Variants in TMEM132C observed in about 807,000 individuals in gnomAD.
The protein encoded by TMEM132C is transmembrane protein 132C.
In TMEM132C, 29 loss-of-function variants were observed where a neutral mutation model predicts 61.4. That is an observed-to-expected ratio of 0.47 (90% CI 0.35 to 0.64). TMEM132C has a LOEUF of 0.64. Ranked by LOEUF, TMEM132C falls within the 30% of genes least tolerant of loss-of-function variation. The probability of loss-of-function intolerance (pLI) is 0.00; values close to 1 mark genes in which losing one functional copy is unlikely to be tolerated. For missense variants in TMEM132C, 1,408 were observed against 1,476.9 expected (o/e 0.95, Z 0.76); for synonymous variants, 656 against 633.1 (o/e 1.04, Z -0.54).
intron 2 of TMEM132C, among the ~76,000 whole-genome samples, chr12:128,523,443 G>A (rs1872975335): frequency 6.6e-6 from 1 of 152,136 alleles, no homozygotes; most frequent in Non-Finnish European, 1.5e-5. Context: ...TTACCACTTT[G>A]TTTTTTAAAA....
chr12:128,666,962 C>G (rs1215063948), intron 4 of TMEM132C, among the ~76,000 whole-genome samples: 1 of 152,116 alleles, frequency 6.6e-6, no homozygotes, highest in South Asian at 2.1e-4. Flanking sequence ...CCCCGCTACT[C>G]GGGAGGCTGA....
At chr12:128,587,475 C>G (rs1875591862) in intron 3 of TMEM132C, among the ~76,000 whole-genome samples, 1 of 152,210 alleles carries the variant, frequency 6.6e-6, no homozygotes, top group African/African-American at 2.4e-5. Flanking sequence ...ACCTCACCTC[C>G]TCACACAATC....
intron 1 of TMEM132C, among the ~76,000 whole-genome samples, chr12:128,340,909 TCTCTC>T (rs1565906158): frequency 1.9e-5 from 2 of 105,280 alleles, no homozygotes; most frequent in African/African-American, 1.0e-4. Flanking sequence ...TCTCTTTCTC[TCTCTC>T]TTTCTCTCTC....
intron 4 of TMEM132C, among the ~76,000 whole-genome samples, chr12:128,665,562 C>A (rs1405992139): frequency 1.3e-5 from 2 of 151,434 alleles, no homozygotes; most frequent in Admixed American, 6.6e-5. Context: ...CAGGCGCACA[C>A]ACACACACAG....
chr12:128,306,359 G>A (rs555244457), intron 1 of TMEM132C, among the ~76,000 whole-genome samples: 2 of 152,060 alleles, frequency 1.3e-5, no homozygotes, highest in South Asian at 2.1e-4. Flanking sequence ...CCGCCACCAC[G>A]CCTGGCTAAT....
intron 3 of TMEM132C, among the ~76,000 whole-genome samples, chr12:128,551,087 C>T (rs370124852): frequency 2.0e-5 from 3 of 152,168 alleles, no homozygotes; most frequent in African/African-American, 7.2e-5. Flanking sequence ...TTCTCCCTTT[C>T]CAGTTTCTCC....
chr12:128,584,799 CG>C (rs544240757), intron 3 of TMEM132C, among the ~76,000 whole-genome samples: 2 of 152,106 alleles, frequency 1.3e-5, no homozygotes, highest in African/African-American at 4.8e-5. Flanking sequence ...GGGCGAGGGC[CG>C]GGGGGTCTTT....
At chr12:128,571,759 T>C (rs1031949783) in intron 3 of TMEM132C, among the ~76,000 whole-genome samples, 6 of 152,232 alleles carry the variant, frequency 3.9e-5, no homozygotes, top group African/African-American at 1.2e-4. Flanking sequence ...TTAGGCACGG[T>C]TGGATGCAGG....
Position 128,267,429 on chromosome 12 carries a change from G to T in TMEM132C, c.27G>T (p.Gly9=). The part of the protein sequence containing the change: MRSEGAAP[G]PAAPLCGALS... ...TGCGCTCCGAGGGTGCGGCCCCCGG[G>T]CCGGCGGCGCCGCTGTGCGGGGCGC... is the stretch of plus-strand genomic sequence containing the variant. The change falls in exon 1 of 9, where the codon GGG becomes GGT. Residue 9 remains glycine, a synonymous_variant. Coordinates refer to ENST00000435159, the MANE Select transcript of TMEM132C (RefSeq NM_001136103.3). 3 of 1,243,300 alleles carry T rather than the reference G, an allele frequency of 2.4e-6. No individual in the cohort carries two copies. Among genetic ancestry groups the T allele is most frequent in the Non-Finnish European group, 3.0e-6 (3 of 994,608 alleles). The allele number at this position is 1,243,300 out of a possible 1,614,324, so 77.0% of individuals were successfully genotyped here. A position where few individuals can be genotyped will look rare whatever the true frequency, so the allele number is the denominator to read the frequency against.
chr12:128,627,305 G>A (rs886157223), intron 4 of TMEM132C, among the ~76,000 whole-genome samples: 1 of 152,108 alleles, frequency 6.6e-6, no homozygotes, highest in African/African-American at 2.4e-5. Flanking sequence ...CTGAAATCTG[G>A]AATGTTGGCT....
At chr12:128,531,259 T>C (rs575556807) in intron 2 of TMEM132C, among the ~76,000 whole-genome samples, 1 of 140,438 alleles carries the variant, frequency 7.1e-6, no homozygotes, top group South Asian at 2.2e-4. Flanking sequence ...GAGTCACTGA[T>C]AGGGAAGTTT....
chr12:128,551,378 T>G (rs1874170196), intron 3 of TMEM132C, among the ~76,000 whole-genome samples: 1 of 152,056 alleles, frequency 6.6e-6, no homozygotes, highest in Non-Finnish European at 1.5e-5. Context: ...CATCTGTCTA[T>G]AAACACTCAG....
chr12:128,372,439 A>G (rs1874054610), intron 1 of TMEM132C, among the ~76,000 whole-genome samples: 1 of 152,236 alleles, frequency 6.6e-6, no homozygotes, highest in Admixed American at 6.5e-5. Context: ...AGTGACTGAA[A>G]GCACAAGATG....
chr12:128,308,939 T>G (rs1358738343), intron 1 of TMEM132C, among the ~76,000 whole-genome samples: 2 of 152,106 alleles, frequency 1.3e-5, no homozygotes, highest in African/African-American at 4.8e-5. Flanking sequence ...ATGGAAAGCG[T>G]TTTCTTCCAG....
intron 3 of TMEM132C, among the ~76,000 whole-genome samples, chr12:128,580,295 C>G (rs1047499987): frequency 6.6e-6 from 1 of 151,974 alleles, no homozygotes; most frequent in Non-Finnish European, 1.5e-5. Flanking sequence ...GTGGCGGGCG[C>G]CTGTAGTCCC....
chr12:128,293,540 A>G (rs1480299009), intron 1 of TMEM132C, among the ~76,000 whole-genome samples: 1 of 152,118 alleles, frequency 6.6e-6, no homozygotes, highest in African/African-American at 2.4e-5. Context: ...TTTCTTCTTC[A>G]ATCAGGATTT....
chr12:128,485,497 G>A (rs1046557113), intron 2 of TMEM132C, among the ~76,000 whole-genome samples: 2 of 152,120 alleles, frequency 1.3e-5, no homozygotes, highest in Non-Finnish European at 1.5e-5. Flanking sequence ...CTCTTAAGTG[G>A]TTCTTAATTT....
At chr12:128,494,182 G>A (rs1418507452) in intron 2 of TMEM132C, among the ~76,000 whole-genome samples, 4 of 152,206 alleles carry the variant, frequency 2.6e-5, no homozygotes, top group African/African-American at 9.7e-5. Context: ...AACCAGCCAT[G>A]CATCCCAGGG....
intron 2 of TMEM132C, among the ~76,000 whole-genome samples, chr12:128,419,073 T>C (rs138181822): frequency 2.0e-5 from 3 of 152,280 alleles, no homozygotes; most frequent in South Asian, 2.1e-4. Context: ...AGGCAACACT[T>C]CCTGCCCAAG....
Sources: gnomAD v4.1 joint callset for allele counts (sites outside exome capture counted in the v4.1 genomes callset) on GRCh38, gnomAD v4.1.1 for gene constraint, MANE v1.5 for transcripts, NCBI Gene and HGNC (gene_info 2026-07-23, HGNC 2026-07-21) for gene names.